Variants in CDHR2 observed in about 807,000 individuals in gnomAD.
The protein encoded by CDHR2 is cadherin related family member 2.
A neutral mutation model predicts 138.6 loss-of-function variants in CDHR2; 104 were observed. The observed-to-expected ratio is 0.75, with a 90% confidence interval of 0.64 to 0.88. CDHR2 has a LOEUF of 0.88. Ranked by LOEUF, CDHR2 falls within the 40% of genes least tolerant of loss-of-function variation. The probability of loss-of-function intolerance (pLI) is 0.00; values close to 1 mark genes in which losing one functional copy is unlikely to be tolerated. For missense variants in CDHR2, 1,624 were observed against 1,727.6 expected, an observed-to-expected ratio of 0.94 and a Z score of 1.06; for synonymous variants, 755 against 742.8, an observed-to-expected ratio of 1.02 and a Z score of -0.27.
intron 1 of CDHR2, among the ~76,000 whole-genome samples, chr5:176,559,574 T>G (rs1164478608): frequency 6.6e-6 from 1 of 152,228 alleles, no homozygotes; most frequent in African/African-American, 2.4e-5. Context: ...CTGTTTTCCT[T>G]CTCTGTTTCT....
rs1244565141 is a variant in CDHR2 at position 176,575,081 on chromosome 5, C to T, written c.496-3C>T. On this transcript the variant is annotated splice_polypyrimidine_tract_variant and splice_region_variant and intron_variant, in intron 7 of 31. Transcript: ENST00000261944. ...AGCCTGACCCAAGTCTGCTCTGCCC[C>T]AGGTCATCCCTAGCACTGGGGACAG... The T allele has an allele frequency of 3.1e-6, 5 of 1,614,038 alleles. No homozygotes were observed. Among genetic ancestry groups the T allele is most frequent in the Non-Finnish European group, 4.2e-6 (5 of 1,180,004 alleles).
At chr5:176,565,030 C>T (rs1444284874) in intron 1 of CDHR2, among the ~76,000 whole-genome samples, 1 of 152,158 alleles carries the variant, frequency 6.6e-6, no homozygotes, top group Non-Finnish European at 1.5e-5. Flanking sequence ...TATCTTGGTG[C>T]CTTAGCAGCC....
intron 1 of CDHR2, 117 bp from the exon 2 acceptor site, chr5:176,565,221 G>A: frequency 1.4e-6 from 1 of 735,896 alleles, no homozygotes; most frequent in East Asian, 2.5e-5. Flanking sequence ...AGAGGCCCTG[G>A]GGGAGAACTA....
At chr5:176,544,600 C>T (rs147877158), upstream of CDHR2, among the ~76,000 whole-genome samples, 24 of 152,110 alleles carry the variant, frequency 1.6e-4, no homozygotes, top group East Asian at 2.3e-3. Context: ...GCGCAACGCC[C>T]GGCTAATTTT....
At chr5:176,569,048 G>A (rs200076321) in intron 5 of CDHR2, 38 bp downstream of exon 5, 39 of 1,605,652 alleles carry the variant, frequency 2.4e-5, no homozygotes, top group African/African-American at 1.2e-4. Context: ...CAGGGATTGC[G>A]AGAGTCCATT....
Position 176,590,717 on chromosome 5 carries a change from A to G in CDHR2, c.3539+30A>G, listed in dbSNP as rs778180746. 12 of 1,611,760 alleles carry G rather than the reference A, an allele frequency of 7.4e-6. No homozygotes were observed. The South Asian group carries it at 1.3e-4, about 18-fold the overall frequency. On this transcript the variant is annotated intron_variant, in intron 28 of 31. Transcript: ENST00000261944. Reference sequence around the variant, plus strand: ...GGCTCCCATTGCCCCCGTGTCTCCAACCTTCACCCTCTCCCACCACCCAAG... The same window carrying G: ...GGCTCCCATTGCCCCCGTGTCTCCAGCCTTCACCCTCTCCCACCACCCAAG...
upstream of CDHR2, among the ~76,000 whole-genome samples, chr5:176,545,432 G>A (rs770809503): frequency 2.6e-5 from 4 of 152,288 alleles, no homozygotes; most frequent in South Asian, 4.1e-4. Context: ...GTGAGCCACC[G>A]CACTCGGCCG....
Position 176,589,140 on chromosome 5 carries a change from T to C in CDHR2, c.2966T>C (p.Ile989Thr). The change falls in exon 22 of 32, where the codon ATC becomes ACC. Residue 989 changes from isoleucine to threonine, a missense_variant. Around this residue, in one of 3 missense-constraint regions of CDHR2, gnomAD observed 556 missense variants for 565.7 expected, o/e 0.98. Transcript: ENST00000261944. ...ATCCCTTTCCAGGGTGTCTTCTCGA[T>C]CTTCACCTCCTCCGAGGCCGACGTG... ...ATIPFQGVFS[I>T]FTSSEADVFA... is the part of the protein sequence containing the mutation. 1 of 1,614,180 alleles carries C rather than the reference T, an allele frequency of 6.2e-7. No homozygotes were observed. Among genetic ancestry groups the C allele is most frequent in the Non-Finnish European group, 8.5e-7 (1 of 1,180,022 alleles).
At position 176,576,561 on chromosome 5, in the gene CDHR2, G is replaced by A. The variant is rs1758387442; in HGVS notation, c.1194+376G>A. Among the ~76,000 whole-genome samples, 1 of 148,556 alleles carries A rather than the reference G, an allele frequency of 6.7e-6. No individual in the cohort carries two copies. Among genetic ancestry groups the A allele is most frequent in the African/African-American group, 2.5e-5 (1 of 40,026 alleles). ...GTGTTGGGACAAGTGGTCTGAGGGT[G>A]TGAGGTGGGAGGGTGCTCTTTTTTT... On this transcript the variant is annotated intron_variant, in intron 12 of 31. Coordinates refer to ENST00000261944, the MANE Select transcript of CDHR2 (RefSeq NM_017675.6). The surrounding 1 kb of genome is among the most constrained non-coding windows in gnomAD (Gnocchi z 4.5).
rs77429288 is a variant in CDHR2 at position 176,591,171 on chromosome 5, G to A, written c.3540-39G>A. ...GGCCTCCACTGGGGACACAACAGGT[G>A]TGCAGCAACAGTGTGACCCCTCTTC... On this transcript the variant is annotated intron_variant, in intron 28 of 31. Transcript: ENST00000261944. 347 of 1,395,702 alleles carry A rather than the reference G, an allele frequency of 2.5e-4. 1 individual carries two copies. In the African/African-American group the frequency reaches 4.4e-3, roughly 18 times the overall value. The allele number at this position is 1,395,702 out of a possible 1,614,324, so 86.5% of individuals were successfully genotyped here.
Position 176,544,064 on chromosome 5 carries a change from A to C in CDHR2, c.-16+1295A>C, listed in dbSNP as rs185678201. On this transcript the variant is annotated intron_variant, in intron 1 of 31. Coordinates refer to the CDHR2 transcript ENST00000510636. ...CGCCGCGGGCCGCGCTCTGGCTGGC[A>C]TGCAGGTGGTGGTAGTCCCTGCAGA... Among the ~76,000 whole-genome samples the C allele has an allele frequency of 6.8e-3, 1,030 of 152,386 alleles. 9 individuals are homozygous for C. Among genetic ancestry groups the C allele is most frequent in the African/African-American group, 0.024 (996 of 41,594 alleles).
chr5:176,564,094 A>G (rs1474854469), intron 1 of CDHR2, among the ~76,000 whole-genome samples: 1 of 152,246 alleles, frequency 6.6e-6, no homozygotes, highest in African/African-American at 2.4e-5. Flanking sequence ...TAGAGCATAC[A>G]GACAACTTTC....
rs2113298274 is a variant in CDHR2 at position 176,575,720 on chromosome 5, C to A, written c.845-4C>A. The A allele has an allele frequency of 6.3e-7, 1 of 1,583,358 alleles. No homozygotes were observed. The highest frequency in any genetic ancestry group is 8.6e-7 in the Non-Finnish European group (1 of 1,164,474). On this transcript the variant is annotated splice_polypyrimidine_tract_variant and splice_region_variant and intron_variant, in intron 10 of 31. Coordinates refer to ENST00000261944, the MANE Select transcript of CDHR2 (RefSeq NM_017675.6). The stretch of plus-strand genomic sequence containing the variant: ...TCCAGCTGTTCCGCCTTTCTCCTTG[C>A]CAGACTCCACGCGGCCCGGCTGGTT...
intron 1 of CDHR2, among the ~76,000 whole-genome samples, chr5:176,552,887 A>C (rs1023744479): frequency 1.3e-5 from 2 of 152,166 alleles, no homozygotes; most frequent in African/African-American, 4.8e-5. Context: ...TGTGTGCATA[A>C]AGGGGATTGA....
At chr5:176,562,613 AG>A (rs1424800139) in intron 1 of CDHR2, among the ~76,000 whole-genome samples, 1 of 152,116 alleles carries the variant, frequency 6.6e-6, no homozygotes, top group Non-Finnish European at 1.5e-5. Context: ...GGACCAGGTG[AG>A]GGTGCTTGGT....
intron 24 of CDHR2, 98 bp downstream of exon 24, chr5:176,589,714 C>A: frequency 9.6e-7 from 1 of 1,040,664 alleles, no homozygotes; most frequent in South Asian, 1.3e-5. Flanking sequence ...AATCCTGTTC[C>A]TGACCCACAT....
upstream of CDHR2, among the ~76,000 whole-genome samples, chr5:176,544,337 CTTCCT>C (rs1007487119): frequency 6.6e-6 from 1 of 151,306 alleles, no homozygotes; most frequent in Non-Finnish European, 1.5e-5. Flanking sequence ...CTTTTCCTTC[CTTCCT>C]TTCTTTTTTC....
chr5:176,557,167 C>T (rs1057131824), intron 1 of CDHR2, among the ~76,000 whole-genome samples: 2 of 113,576 alleles, frequency 1.8e-5, no homozygotes, highest in African/African-American at 6.4e-5. Flanking sequence ...AGGCATGCAC[C>T]ATGGCGCCTG....
chr5:176,579,909 C>T (rs77366657), intron 16 of CDHR2, among the ~76,000 whole-genome samples: 5 of 152,268 alleles, frequency 3.3e-5, no homozygotes, highest in South Asian at 2.1e-4. Context: ...AGTCACCCAG[C>T]GGTGTCACCT....
Sources: gnomAD v4.1 joint callset for allele counts (sites outside exome capture counted in the v4.1 genomes callset) on GRCh38, gnomAD v4.1.1 for gene constraint, gnomAD v4.1.1 regional missense constraint, Gnocchi (gnomAD v3.1) non-coding constraint, MANE v1.5 for transcripts, NCBI Gene and HGNC (gene_info 2026-07-23, HGNC 2026-07-21) for gene names.